The following TACR3 variants were observed in gnomAD, a reference collection of about 807,000 sequenced individuals.
The protein encoded by TACR3 is tachykinin receptor 3.
Under a neutral mutation model 35.0 loss-of-function variants are expected in TACR3, and 34 were observed. That is an observed-to-expected ratio of 0.97 (90% CI 0.74 to 1.30). The LOEUF (loss-of-function observed/expected upper bound fraction) is 1.30. Among genes scored for constraint, TACR3 ranks in the 50% most tolerant of loss-of-function variants. TACR3 has a pLI of 0.00. For missense variants in TACR3, 558 were observed against 591.7 expected, an observed-to-expected ratio of 0.94 and a Z score of 0.59; for synonymous variants, 233 against 221.1, an observed-to-expected ratio of 1.05 and a Z score of -0.48.
At position 103,691,631 on chromosome 4, in the gene TACR3, A is replaced by C. The variant is rs149785719; in HGVS notation, c.548+27497T>G. ...ACTGGACCCCAAACTGGCCATAAAC[A>C]AAATCTCTGCAGCACTGTAACATAT... On this transcript the variant is annotated intron_variant, in intron 1 of 4. Coordinates refer to ENST00000304883, the MANE Select transcript of TACR3 (RefSeq NM_001059.3). Among the ~76,000 whole-genome samples, 1,485 of 152,294 alleles carry C rather than the reference A, an allele frequency of 9.8e-3. 31 individuals carry two copies. The highest frequency in any genetic ancestry group is 0.034 in the African/African-American group (1,395 of 41,572).
chr4:103,708,918 C>G (rs1366408096), intron 1 of TACR3, among the ~76,000 whole-genome samples: 1 of 151,938 alleles, frequency 6.6e-6, no homozygotes, highest in Non-Finnish European at 1.5e-5. Context: ...GATTGAAGAT[C>G]AAATTAATGA....
chr4:103,602,418 T>A (rs1207040575), intron 3 of TACR3, among the ~76,000 whole-genome samples: 1 of 152,186 alleles, frequency 6.6e-6, no homozygotes, highest in Non-Finnish European at 1.5e-5. Context: ...CTGTGTTCCG[T>A]TGCTGGTGAG....
chr4:103,711,269 C>A (rs573132075), intron 1 of TACR3, among the ~76,000 whole-genome samples: 2 of 152,264 alleles, frequency 1.3e-5, no homozygotes, highest in East Asian at 1.9e-4. Flanking sequence ...CAGAACCCAG[C>A]AGCACATCAA....
In TACR3 at chr4:103,682,943, A is replaced by G. The variant is rs536796288; in HGVS notation, c.549-24540T>C. Among the ~76,000 whole-genome samples, 11 of 152,292 alleles carry G rather than the reference A, an allele frequency of 7.2e-5. No homozygotes were observed. The South Asian group carries it at 2.3e-3, about 32-fold the overall frequency. ...AACCGATAGTGAGATGGAACTTTAG[A>G]TAACATAATTCAATCACCGAAGTGA... On this transcript the variant is annotated intron_variant, in intron 1 of 4. Coordinates refer to ENST00000304883, the MANE Select transcript of TACR3 (RefSeq NM_001059.3).
intron 1 of TACR3, among the ~76,000 whole-genome samples, chr4:103,688,382 G>A (rs1196572241): frequency 4.7e-4 from 72 of 152,086 alleles, no homozygotes; most frequent in Admixed American, 7.9e-4. Context: ...GGCAACAAAA[G>A]CCAAAATTGA....
intron 3 of TACR3, among the ~76,000 whole-genome samples, chr4:103,626,976 C>G (rs1159900059): frequency 1.3e-4 from 20 of 151,104 alleles, no homozygotes; most frequent in African/African-American, 4.6e-4. Flanking sequence ...AGTTGGAGAC[C>G]AGCCTGGCCA....
At chr4:103,657,116 C>A (rs1177233388) in intron 2 of TACR3, among the ~76,000 whole-genome samples, 1 of 151,990 alleles carries the variant, frequency 6.6e-6, no homozygotes, top group Non-Finnish European at 1.5e-5. Flanking sequence ...TACAATAGCC[C>A]AAATATAATT....
intron 1 of TACR3, among the ~76,000 whole-genome samples, chr4:103,660,901 G>T (rs1042186514): frequency 7.9e-5 from 12 of 151,746 alleles, no homozygotes; most frequent in Admixed American, 5.9e-4. Context: ...ATGTAATAGG[G>T]TTACATACAT....
intron 1 of TACR3, among the ~76,000 whole-genome samples, chr4:103,659,145 G>A (rs1225904985): frequency 2.0e-5 from 3 of 152,272 alleles, no homozygotes; most frequent in South Asian, 2.1e-4. Flanking sequence ...AACAGATGAA[G>A]CTTCTTAGCT....
At chr4:103,606,462 G>T (rs1378014857) in intron 3 of TACR3, among the ~76,000 whole-genome samples, 1 of 152,184 alleles carries the variant, frequency 6.6e-6, no homozygotes, top group Non-Finnish European at 1.5e-5. Context: ...CATGAGCATG[G>T]ACTGTTCTTC....
At chr4:103,652,396 T>C (rs6854678) in intron 3 of TACR3, among the ~76,000 whole-genome samples, 62,342 of 151,868 alleles carry the variant, frequency 0.41, 14,785 homozygotes, top group African/African-American at 0.66. Flanking sequence ...TTGCTGTCCT[T>C]TCTCTCCCAA....
At chr4:103,714,913 T>A (rs951373482) in intron 1 of TACR3, among the ~76,000 whole-genome samples, 2 of 152,166 alleles carry the variant, frequency 1.3e-5, no homozygotes, top group East Asian at 1.9e-4. Context: ...TCCTAGAGGA[T>A]CTTTGAGTAC....
chr4:103,620,072 A>T (rs76736072), intron 3 of TACR3, among the ~76,000 whole-genome samples: 7,952 of 152,246 alleles, frequency 0.052, 711 homozygotes, highest in African/African-American at 0.18. Context: ...ACCTTATTTT[A>T]AAAATGGGCA....
intron 1 of TACR3, among the ~76,000 whole-genome samples, chr4:103,670,009 G>A (rs1726022406): frequency 6.6e-6 from 1 of 151,906 alleles, no homozygotes. Flanking sequence ...GAGAGATAGA[G>A]GTCTAGTTTC....
rs567125436 is a variant in TACR3, at chr4:103,677,052, C to T, written c.549-18649G>A. On this transcript the variant is annotated intron_variant, in intron 1 of 4. Transcript: ENST00000304883. ...ACCCCATTAAAAAGTGGACAAAGGA[C>T]GAGAACAGACATTTCTCAAAAGAAG... Among the ~76,000 whole-genome samples the T allele has an allele frequency of 2.8e-4, 43 of 152,090 alleles. 1 individual carries two copies. The highest frequency in any genetic ancestry group is 5.8e-4 in the African/African-American group (24 of 41,496).
intron 1 of TACR3, among the ~76,000 whole-genome samples, chr4:103,672,414 G>T (rs1042368873): frequency 1.3e-5 from 2 of 152,248 alleles, no homozygotes; most frequent in African/African-American, 4.8e-5. Flanking sequence ...CAGAATGAAT[G>T]TTGTGTCTTG....
chr4:103,662,882 C>G (rs1019735976), intron 1 of TACR3, among the ~76,000 whole-genome samples: 2 of 152,102 alleles, frequency 1.3e-5, no homozygotes, highest in African/African-American at 4.8e-5. Context: ...AAACTTCCAG[C>G]CACCAGAACA....
At chr4:103,599,827 CT>C (rs113672888) in intron 3 of TACR3, among the ~76,000 whole-genome samples, 1 of 152,118 alleles carries the variant, frequency 6.6e-6, no homozygotes, top group South Asian at 2.1e-4. Flanking sequence ...GGTGGATAAA[CT>C]TTTTGATGTG....
intron 1 of TACR3, among the ~76,000 whole-genome samples, chr4:103,666,305 G>A (rs1725935005): frequency 6.6e-6 from 1 of 152,042 alleles, no homozygotes; most frequent in Non-Finnish European, 1.5e-5. Context: ...CTTATTTAGG[G>A]TGAAGGTGGG....
Sources: allele counts gnomAD v4.1 joint callset (sites outside exome capture counted in the v4.1 genomes callset), GRCh38; gene constraint gnomAD v4.1.1; transcripts MANE v1.5; gene names NCBI Gene and HGNC (gene_info 2026-07-23, HGNC 2026-07-21).